DENND1A: variants seen among roughly 807,000 people sequenced by gnomAD.
The protein encoded by DENND1A is DENN domain-containing protein 1A.
In DENND1A, 51 loss-of-function variants were observed where a neutral mutation model predicts 113.7. The ratio of observed to expected loss-of-function variants is 0.45; its 90% CI spans 0.36 to 0.57. The LOEUF is 0.57. Among genes scored for constraint, DENND1A ranks in the 20% least tolerant of loss-of-function variants. The pLI is 0.00. For synonymous variants in DENND1A, 565 were observed against 570.8 expected (o/e 0.99, Z 0.14); for missense variants, 1,258 against 1,395.9 (o/e 0.90, Z 1.57).
At chr9:123,801,776 A>T (rs1590143583) in intron 2 of DENND1A, among the ~76,000 whole-genome samples, 1 of 152,276 alleles carries the variant, frequency 6.6e-6, no homozygotes, top group Non-Finnish European at 1.5e-5. Flanking sequence ...ATTAAGACCA[A>T]CCCAGCCAAT....
intron 12 of DENND1A, among the ~76,000 whole-genome samples, chr9:123,569,056 G>A (rs1028113490): frequency 5.3e-5 from 8 of 152,214 alleles, no homozygotes; most frequent in African/African-American, 1.7e-4. Flanking sequence ...GTAAAGAAAT[G>A]CAGAGGATTA....
chr9:123,390,934 C>T (rs1021069571), intron 21 of DENND1A, among the ~76,000 whole-genome samples: 7 of 152,386 alleles, frequency 4.6e-5, no homozygotes, highest in East Asian at 1.9e-4. Context: ...CAGCTTGACA[C>T]GTTGGTGCAA....
At chr9:123,608,876 TAG>T (rs1219785876) in intron 11 of DENND1A, among the ~76,000 whole-genome samples, 2 of 152,152 alleles carry the variant, frequency 1.3e-5, no homozygotes, top group African/African-American at 2.4e-5. Flanking sequence ...TAAAAACATG[TAG>T]AGATTCCCAA....
chr9:123,751,989 CAA>C (rs1281105167), intron 5 of DENND1A: 2 of 152,156 alleles, frequency 1.3e-5, no homozygotes, highest in African/African-American at 4.8e-5. Context: ...TTTCCCACCC[CAA>C]AGATTGAGCA....
intron 19 of DENND1A, among the ~76,000 whole-genome samples, chr9:123,437,029 G>C (rs2046575584): frequency 6.6e-6 from 1 of 152,200 alleles, no homozygotes; most frequent in South Asian, 2.1e-4. Context: ...GACTGACTAT[G>C]AAGTGACTAT....
intron 19 of DENND1A, among the ~76,000 whole-genome samples, chr9:123,420,336 G>A (rs530271606): frequency 7.2e-5 from 11 of 152,310 alleles, no homozygotes; most frequent in South Asian, 4.2e-4. Context: ...CAGAGAGGTC[G>A]GGCTGGGCTT....
rs1452056947 is a variant in DENND1A, at chr9:123,764,310, T to TGTCG, written c.182+5203_182+5204insCGAC. Among the ~76,000 whole-genome samples, 2 of 152,210 alleles carry TGTCG rather than the reference T, an allele frequency of 1.3e-5. No individual in the cohort carries two copies. The highest frequency in any genetic ancestry group is 2.9e-5 in the Non-Finnish European group (2 of 68,026). On this transcript the variant is annotated intron_variant, in intron 4 of 23. Transcript: ENST00000394215. The surrounding 1 kb of genome is among the most constrained non-coding windows in gnomAD (Gnocchi z 4.1). ...AACTGAAGCATTTTGTCCCCCTCTA[T>TGTCG]GTATTATAGCTTACCGACAATTATC...
intron 2 of DENND1A, among the ~76,000 whole-genome samples, chr9:123,839,389 C>T (rs747300447): frequency 3.3e-5 from 5 of 152,164 alleles, no homozygotes; most frequent in Non-Finnish European, 5.9e-5. Flanking sequence ...TATTCAAAAA[C>T]GCCTTAACAA....
chr9:123,812,114 T>C (rs1590190839), intron 2 of DENND1A, among the ~76,000 whole-genome samples: 1 of 152,200 alleles, frequency 6.6e-6, no homozygotes, highest in Non-Finnish European at 1.5e-5. Flanking sequence ...TTTTTTAAGG[T>C]TGGCATGCAG....
chr9:123,506,359 G>A (rs570713050), intron 13 of DENND1A, among the ~76,000 whole-genome samples: 6 of 151,988 alleles, frequency 3.9e-5, no homozygotes, highest in Non-Finnish European at 5.9e-5. Context: ...CGAAGTGGGC[G>A]GATCACTAGG....
intron 20 of DENND1A, among the ~76,000 whole-genome samples, chr9:123,409,972 G>A (rs983149270): frequency 5.9e-5 from 9 of 152,246 alleles, no homozygotes; most frequent in Admixed American, 2.0e-4. Context: ...GGCACCTGTT[G>A]TCCCAGCTAC....
intron 1 of DENND1A, among the ~76,000 whole-genome samples, chr9:123,902,812 T>C (rs1478928252): frequency 6.6e-6 from 1 of 151,018 alleles, no homozygotes; most frequent in Non-Finnish European, 1.5e-5. Flanking sequence ...GCTGTTTTTT[T>C]TTTTTTTAAA....
rs1448579816 is a variant in DENND1A at position 123,452,318 on chromosome 9, T to C, written c.1257A>G (p.Val419=). Residue 419 remains valine, a synonymous_variant, in exon 17 of 24, where the codon GTA becomes GTG. Coordinates refer to ENST00000394215, the MANE Select transcript of DENND1A (RefSeq NM_001352964.2). ...TCATGGCCGGATTTGCTTTGGTCTT[T>C]ACAGTATTCAGAATTGCTCCACTTC... ...RKGSGAILNT[V]KTKANPAMKT... The C allele has an allele frequency of 5.0e-6, 8 of 1,614,160 alleles. No homozygotes were observed. Among genetic ancestry groups the C allele is most frequent in the Non-Finnish European group, 6.8e-6 (8 of 1,180,058 alleles).
Position 123,440,398 on chromosome 9 carries a change from G to C in DENND1A, c.1450C>G (p.Arg484Gly). The C allele has an allele frequency of 6.2e-7, 1 of 1,600,360 alleles. No individual in the cohort carries two copies. The highest frequency in any genetic ancestry group is 1.1e-5 in the South Asian group (1 of 89,494). ...ACTGTGATTGGCCGCCGGTCTTCTCGGAGCTTGGGGTCCTTGGCCTCCACC... is the reference window on the plus strand; with the variant it reads ...ACTGTGATTGGCCGCCGGTCTTCTCCGAGCTTGGGGTCCTTGGCCTCCACC... The part of the protein sequence containing the change: ...PLVEAKDPKL[R>G]EDRRPITVHF... The change falls in exon 19 of 24, where the codon CGA becomes GGA. Residue 484 changes from arginine to glycine, a missense_variant. By Grantham distance (125) the Arg-to-Gly change is moderately radical. This residue lies in a region of DENND1A where 1,159 missense variants were observed against 1,231.7 expected (regional missense o/e 0.94). Coordinates refer to ENST00000394215, the MANE Select transcript of DENND1A (RefSeq NM_001352964.2).
chr9:123,926,075 ATCAT>A (rs1331772457), intron 1 of DENND1A, among the ~76,000 whole-genome samples: 11 of 152,210 alleles, frequency 7.2e-5, no homozygotes, highest in Non-Finnish European at 1.2e-4. Flanking sequence ...GTCCACTGGG[ATCAT>A]TCAAACACTA....
chr9:123,454,699 G>A, intron 16 of DENND1A, 40 bp downstream of exon 16: 1 of 1,549,516 alleles, frequency 6.5e-7, no homozygotes, highest in Non-Finnish European at 8.7e-7. Context: ...AGGAAGCTAA[G>A]GAGGGAGTCC....
intron 3 of DENND1A, among the ~76,000 whole-genome samples, chr9:123,773,395 C>T (rs1234441792): frequency 6.6e-6 from 1 of 152,184 alleles, no homozygotes; most frequent in Non-Finnish European, 1.5e-5. Flanking sequence ...TAATTCTCAT[C>T]CGGTCAGAAG....
chr9:123,729,852 CAAACTATACTATAAGGCTGCAGTAACCA>C, intron 5 of DENND1A, among the ~76,000 whole-genome samples: 1 of 152,276 alleles, frequency 6.6e-6, no homozygotes, highest in South Asian at 2.1e-4. Flanking sequence ...TACCTGACTT[CAAACTATACTATAAGGCTGCAGTAACCA>C]AAACAGCATG....
At chr9:123,561,034 A>T (rs1270422738) in intron 12 of DENND1A, among the ~76,000 whole-genome samples, 1 of 152,068 alleles carries the variant, frequency 6.6e-6, no homozygotes, top group Non-Finnish European at 1.5e-5. Flanking sequence ...CCTGCCCCCA[A>T]AATAAAAATA....
Sources: allele counts gnomAD v4.1 joint callset (sites outside exome capture counted in the v4.1 genomes callset), GRCh38; gene constraint gnomAD v4.1.1; regional missense constraint gnomAD v4.1.1; non-coding constraint Gnocchi (gnomAD v3.1); transcripts MANE v1.5; gene names NCBI Gene and HGNC (gene_info 2026-07-23, HGNC 2026-07-21).